The following SLC22A3 variants were observed in gnomAD, a reference collection of about 807,000 sequenced individuals.
SLC22A3 encodes EMT organic cation transporter 3.
In SLC22A3, 51 loss-of-function variants were observed where a neutral mutation model predicts 59.1. The ratio of observed to expected loss-of-function variants is 0.86; its 90% CI spans 0.69 to 1.09. The LOEUF is 1.09. Ranked by LOEUF, SLC22A3 falls within the 50% of genes least tolerant of loss-of-function variation. The pLI is 0.00. For synonymous variants in SLC22A3, 325 were observed against 292.0 expected (o/e 1.11, Z -1.15); for missense variants, 711 against 726.3 (o/e 0.98, Z 0.24).
intron 1 of SLC22A3, among the ~76,000 whole-genome samples, chr6:160,351,903 C>T (rs752542606): frequency 1.3e-5 from 2 of 152,222 alleles, no homozygotes; most frequent in Non-Finnish European, 2.9e-5. Context: ...TAAGTCAGTC[C>T]ACTTTCCTCC....
chr6:160,348,637 G>C lies in SLC22A3; in HGVS notation c.218G>C (p.Arg73Pro). ...TGGAGCCCGGAGGAGGAGTGGAACC[G>C]CACGGCGCCCGCCTCCCGCGGCCCA... ...CGWSPEEEWN[R>P]TAPASRGPEP... The change falls in exon 1 of 11, where the codon CGC becomes CCC. Residue 73 changes from arginine to proline, a missense_variant. Transcript: ENST00000275300. The C allele has an allele frequency of 6.7e-7, 1 of 1,503,696 alleles. No homozygotes were observed. The highest frequency in any genetic ancestry group is 8.8e-7 in the Non-Finnish European group (1 of 1,134,084). The allele number at this position is 1,503,696 out of a possible 1,614,324, so 93.1% of individuals were successfully genotyped here.
chr6:160,432,167 A>G (rs1018769158), intron 5 of SLC22A3, among the ~76,000 whole-genome samples: 1 of 152,190 alleles, frequency 6.6e-6, no homozygotes, highest in African/African-American at 2.4e-5. Flanking sequence ...ATTGGGTTGT[A>G]TGCCCATTTC....
intron 1 of SLC22A3, among the ~76,000 whole-genome samples, chr6:160,388,701 C>A (rs538624135): frequency 6.6e-6 from 1 of 152,310 alleles, no homozygotes; most frequent in African/African-American, 2.4e-5. Context: ...TGAATTTAGT[C>A]ATTTTTCCCT....
intron 2 of SLC22A3, among the ~76,000 whole-genome samples, chr6:160,398,800 A>G (rs958727976): frequency 2.6e-5 from 4 of 152,206 alleles, no homozygotes; most frequent in African/African-American, 7.2e-5. Flanking sequence ...CCTTAGCAGG[A>G]GTAATAGGAA....
intron 1 of SLC22A3, among the ~76,000 whole-genome samples, chr6:160,361,448 A>G (rs1785008649): frequency 6.6e-6 from 1 of 152,254 alleles, no homozygotes; most frequent in Admixed American, 6.5e-5. Flanking sequence ...GATACTGAGT[A>G]GAGCCATGCT....
chr6:160,437,063 T>A lies in SLC22A3; in HGVS notation c.1140T>A (p.Tyr380Ter). ...MRLGIIGGNL[Y>*]IDFFISGVVE... Reference sequence around the variant, plus strand: ...TGGGAATTATAGGGGGCAACCTCTATATAGACTTTTTCATCTCGGGCGTGG... The same window carrying A: ...TGGGAATTATAGGGGGCAACCTCTAAATAGACTTTTTCATCTCGGGCGTGG... Residue 380 changes from tyrosine (Y) to a stop codon, truncating the protein, a stop_gained, in exon 7 of 11, where the codon TAT (tyrosine) becomes TAA (stop). Coordinates refer to ENST00000275300, the MANE Select transcript of SLC22A3 (RefSeq NM_021977.4). LOFTEE classifies it high-confidence loss of function. 1 of 1,614,156 alleles carries A rather than the reference T, an allele frequency of 6.2e-7. No homozygotes were observed. Among genetic ancestry groups the A allele is most frequent in the African/African-American group, 1.3e-5 (1 of 75,034 alleles).
intron 5 of SLC22A3, among the ~76,000 whole-genome samples, chr6:160,435,534 A>C (rs1450949947): frequency 1.3e-4 from 20 of 152,228 alleles, no homozygotes; most frequent in Non-Finnish European, 2.9e-4. Context: ...CTTGGAGCAA[A>C]GATAGGCATA....
intron 1 of SLC22A3, among the ~76,000 whole-genome samples, chr6:160,390,057 C>T (rs952945351): frequency 6.6e-6 from 1 of 152,170 alleles, no homozygotes; most frequent in Non-Finnish European, 1.5e-5. Flanking sequence ...GATTAACTTA[C>T]TTAGAACTAA....
rs149424049 is a variant in SLC22A3 at position 160,442,764 on chromosome 6, T to A, written c.1292T>A (p.Ile431Lys). The A allele has an allele frequency of 2.4e-4, 394 of 1,611,444 alleles. No individual in the cohort carries two copies. Among genetic ancestry groups the A allele is most frequent in the Non-Finnish European group, 3.3e-4 (383 of 1,177,628 alleles). Residue 431 changes from isoleucine (I) to lysine (K), a missense_variant, in exon 8 of 11, where the codon ATA becomes AAA. By Grantham distance (102) the Ile-to-Lys change is moderately radical. Transcript: ENST00000275300. ...TTCAAACTTTCTGTGTTTGCAGGAA[T>A]AGCATGGTTGAGGACCACAGTGGCT... ...CLVTAFLPEG[I>K]AWLRTTVATL...
chr6:160,430,500 A>T (rs1472447770), intron 5 of SLC22A3, among the ~76,000 whole-genome samples: 1 of 152,226 alleles, frequency 6.6e-6, no homozygotes, highest in Non-Finnish European at 1.5e-5. Flanking sequence ...GAAGAATTGC[A>T]AAGAGAGCTG....
At chr6:160,350,551 A>G (rs936719283) in intron 1 of SLC22A3, among the ~76,000 whole-genome samples, 1 of 152,148 alleles carries the variant, frequency 6.6e-6, no homozygotes, top group Non-Finnish European at 1.5e-5. Flanking sequence ...GCGCTGCCTA[A>G]TGCTTACTTC....
At chr6:160,428,660 A>C (rs1434186412) in intron 5 of SLC22A3, among the ~76,000 whole-genome samples, 1 of 152,212 alleles carries the variant, frequency 6.6e-6, no homozygotes, top group African/African-American at 2.4e-5. Flanking sequence ...TGGCCACTAG[A>C]AAATGTAAAT....
At chr6:160,358,333 A>T (rs1036597168) in intron 1 of SLC22A3, among the ~76,000 whole-genome samples, 2 of 152,176 alleles carry the variant, frequency 1.3e-5, no homozygotes, top group African/African-American at 4.8e-5. Context: ...TGTCTGAGAT[A>T]TGTAAGTAGC....
intron 1 of SLC22A3, among the ~76,000 whole-genome samples, chr6:160,352,765 T>C (rs1031899781): frequency 1.3e-5 from 2 of 152,224 alleles, no homozygotes; most frequent in African/African-American, 4.8e-5. Flanking sequence ...CCCTTGTCCC[T>C]CAGAGTAACT....
At chr6:160,349,592 C>T (rs1044798552) in intron 1 of SLC22A3, among the ~76,000 whole-genome samples, 3 of 152,096 alleles carry the variant, frequency 2.0e-5, no homozygotes, top group Admixed American at 1.3e-4. Context: ...TGGGCGGGGG[C>T]GATCCCCACA....
intron 1 of SLC22A3, among the ~76,000 whole-genome samples, chr6:160,390,498 T>C (rs973013823): frequency 2.0e-5 from 3 of 152,100 alleles, no homozygotes; most frequent in African/African-American, 7.2e-5. Context: ...AGTCCCATCA[T>C]GGCTAGGTTG....
At chr6:160,392,808 G>A (rs1786313808) in intron 1 of SLC22A3, among the ~76,000 whole-genome samples, 1 of 152,104 alleles carries the variant, frequency 6.6e-6, no homozygotes, top group African/African-American at 2.4e-5. Context: ...AAAAATGGAA[G>A]TTGCCCATGG....
rs908419909 is a variant in SLC22A3, at chr6:160,452,455, C to T, written c.*1399C>T. On this transcript the variant is annotated 3_prime_UTR_variant, in exon 11 of 11. Coordinates refer to ENST00000275300, the MANE Select transcript of SLC22A3 (RefSeq NM_021977.4). ...TGAGACTACATTCACCCTTTATTCA[C>T]AGTCACTTGCAGTTTTGCTTTTCTC... The T allele has an allele frequency of 6.6e-6, 1 of 152,214 alleles. No individual in the cohort carries two copies. Among genetic ancestry groups the T allele is most frequent in the Non-Finnish European group, 1.5e-5 (1 of 68,036 alleles). The allele number at this position is 152,214 out of a possible 1,614,324, so 9.4% of individuals were successfully genotyped here.
intron 1 of SLC22A3, among the ~76,000 whole-genome samples, chr6:160,354,468 A>T (rs1236920096): frequency 6.6e-6 from 1 of 152,172 alleles, no homozygotes; most frequent in Non-Finnish European, 1.5e-5. Flanking sequence ...TATGGGCCAG[A>T]TTTGACCCTG....
Sources: allele counts gnomAD v4.1 joint callset (sites outside exome capture counted in the v4.1 genomes callset), GRCh38; gene constraint gnomAD v4.1.1; transcripts MANE v1.5; gene names NCBI Gene and HGNC (gene_info 2026-07-23, HGNC 2026-07-21).